The following ARHGEF5 variants were observed in gnomAD, a reference collection of about 807,000 sequenced individuals.
The protein encoded by ARHGEF5 is Rho guanine nucleotide exchange factor (GEF) 5.
Under a neutral mutation model 104.0 loss-of-function variants are expected in ARHGEF5, and 11 were observed. That is an observed-to-expected ratio of 0.11 (90% CI 0.07 to 0.18). The LOEUF (loss-of-function observed/expected upper bound fraction) is 0.18. Among genes scored for constraint, ARHGEF5 ranks in the 10% least tolerant of loss-of-function variants. The pLI is 1.00. For missense variants in ARHGEF5, 165 were observed against 1,335.4 expected, an observed-to-expected ratio of 0.12 and a Z score of 13.66; for synonymous variants, 60 against 512.2, an observed-to-expected ratio of 0.12 and a Z score of 11.92.
intron 1 of ARHGEF5, among the ~76,000 whole-genome samples, chr7:144,360,148 G>A (rs2525699): frequency 2.5e-5 from 3 of 118,490 alleles, no homozygotes; most frequent in Admixed American, 9.0e-5. Context: ...CTAGGCTGGA[G>A]AGCAGTGATG....
chr7:144,378,809 G>A lies in ARHGEF5; in HGVS notation c.4579G>A (p.Asp1527Asn), dbSNP rs2053780112. The A allele has an allele frequency of 6.2e-7, 1 of 1,613,994 alleles. No individual in the cohort carries two copies. Among genetic ancestry groups the A allele is most frequent in the Non-Finnish European group, 8.5e-7 (1 of 1,180,008 alleles). ...CLRAYKPREN[D>N]ELALEKADVV... ...TCGAGCCTACAAGCCCCGAGAGAAT[G>A]ATGAATTGGCACTGGAGAAAGCCGA... Residue 1527 changes from aspartate to asparagine, a missense_variant, in exon 14 of 15, where the codon GAT becomes AAT. Asp to Asn is a conservative substitution (Grantham distance 23). Transcript: ENST00000056217.
At position 144,360,794 on chromosome 7, in the gene ARHGEF5, A is replaced by C. The variant is rs1211235321; in HGVS notation, c.-12-1864A>C. 5.1e-5 allele frequency among the ~76,000 whole-genome samples: 7 copies of C among 137,830 alleles called. No individual in the cohort carries two copies. In the East Asian group the frequency reaches 6.2e-4, roughly 12 times the overall value. The allele number at this position is 137,830 out of a possible 152,430, so 90.4% of individuals were successfully genotyped here. A position where few individuals can be genotyped will look rare whatever the true frequency, so the allele number is the denominator to read the frequency against. On this transcript the variant is annotated intron_variant, in intron 1 of 14. Transcript: ENST00000056217. ...CATAGTTCTTAATCTCATAAATTTTACTATCTATTGGTTGCAATAGAGGGT... is the reference window on the plus strand; with the variant it reads ...CATAGTTCTTAATCTCATAAATTTTCCTATCTATTGGTTGCAATAGAGGGT...
rs1036359120 is a variant in ARHGEF5, at chr7:144,380,201, C to T, written c.*145C>T. ...GGACAAAATCCAGCTAACCCAGTCC[C>T]TCGGCCCAGGCCTCCTTTCGTGCTT... On this transcript the variant is annotated 3_prime_UTR_variant, in exon 15 of 15. Coordinates refer to ENST00000056217, the MANE Select transcript of ARHGEF5 (RefSeq NM_005435.4). 5.6e-6 allele frequency: 6 copies of T among 1,076,588 alleles called. No individual in the cohort carries two copies. The highest frequency in any genetic ancestry group is 4.7e-5 in the African/African-American group (3 of 63,194). The allele number at this position is 1,076,588 out of a possible 1,614,324, so 66.7% of individuals were successfully genotyped here. A position where few individuals can be genotyped will look rare whatever the true frequency, so the allele number is the denominator to read the frequency against.
At position 144,380,120 on chromosome 7, in the gene ARHGEF5, G is replaced by A; in HGVS notation, c.*64G>A. On this transcript the variant is annotated 3_prime_UTR_variant, in exon 15 of 15. Transcript: ENST00000056217. ...CTGCTCATGGCAAGGGCTGGCCCCA[G>A]AACCCTGCAAGAGAGGCCTTCTGTG... 6.3e-7 allele frequency: 1 copy of A among 1,599,478 alleles called. No homozygotes were observed. The highest frequency in any genetic ancestry group is 8.5e-7 in the Non-Finnish European group (1 of 1,169,814).
Position 144,380,339 on chromosome 7 carries a change from C to T in ARHGEF5, c.*283C>T. 3.1e-6 allele frequency: 1 copy of T among 318,114 alleles called. No individual in the cohort carries two copies. Among genetic ancestry groups the T allele is most frequent in the East Asian group, 5.8e-5 (1 of 17,112 alleles). The allele number at this position is 318,114 out of a possible 1,614,324, so 19.7% of individuals were successfully genotyped here. Reference sequence around the variant, plus strand: ...AGCCAAGGAACTTTCCTTCTACTGCCTTATAGTGCTTAAACATTCTCCGCC... The same window carrying T: ...AGCCAAGGAACTTTCCTTCTACTGCTTTATAGTGCTTAAACATTCTCCGCC... On this transcript the variant is annotated 3_prime_UTR_variant, in exon 15 of 15. Transcript: ENST00000056217.
At position 144,362,670 on chromosome 7, in the gene ARHGEF5, A is replaced by ATGGCGGCTGAGGAGGCCCAGCG; in HGVS notation, c.4_5insCGGCTGAGGAGGCCCAGCGTGG (p.Glu2?). ...GATTCCTCCTTAGGATTCAGCCCTG[A>ATGGCGGCTGAGGAGGCCCAGCG]TGGAGGCTGAGGAGGCCCAGCGTGG... On this transcript the variant is annotated frameshift_variant and start_lost, in exon 2 of 15. Coordinates refer to ENST00000056217, the MANE Select transcript of ARHGEF5 (RefSeq NM_005435.4). LOFTEE classifies it high-confidence loss of function. The ATGGCGGCTGAGGAGGCCCAGCG allele has an allele frequency of 7.4e-7, 1 of 1,354,738 alleles. No homozygotes were observed. Among genetic ancestry groups the ATGGCGGCTGAGGAGGCCCAGCG allele is most frequent in the African/African-American group, 1.7e-5 (1 of 59,034 alleles). The allele number at this position is 1,354,738 out of a possible 1,614,324, so 83.9% of individuals were successfully genotyped here.
chr7:144,361,226 C>CAA (rs60603784), intron 1 of ARHGEF5, among the ~76,000 whole-genome samples: 1 of 17,994 alleles, frequency 5.6e-5, no homozygotes. Flanking sequence ...GACTCCATCT[C>CAA]AAAAAAAAAA....
chr7:144,374,693 TCTGTGACA>T, intron 10 of ARHGEF5, 31 bp from the exon 11 acceptor site: 1 of 715,052 alleles, frequency 1.4e-6, no homozygotes, highest in East Asian at 2.4e-5. Flanking sequence ...GCTTCTCCCA[TCTGTGACA>T]CTGCCTTCTC....
chr7:144,378,024 A>G (rs185205268), intron 13 of ARHGEF5, among the ~76,000 whole-genome samples: 39 of 152,362 alleles, frequency 2.6e-4, no homozygotes, highest in African/African-American at 8.7e-4. Flanking sequence ...GAATCAAGGC[A>G]GTGTAGTAAC....
In ARHGEF5 at chr7:144,379,885, C is replaced by T. The variant is rs1417475775; in HGVS notation, c.4637-14C>T. ...TTTCCCAGGTAATTCTTCCCACTCA[C>T]CCTGTGCCCACAGGCTGGCTGGAGG... On this transcript the variant is annotated splice_polypyrimidine_tract_variant and intron_variant, in intron 14 of 14. Coordinates refer to ENST00000056217, the MANE Select transcript of ARHGEF5 (RefSeq NM_005435.4). The T allele has an allele frequency of 6.8e-6, 11 of 1,613,926 alleles. No homozygotes were observed. The highest frequency in any genetic ancestry group is 9.3e-6 in the Non-Finnish European group (11 of 1,179,968).
intron 1 of ARHGEF5, among the ~76,000 whole-genome samples, chr7:144,360,097 A>T (rs1268736615): frequency 9.0e-6 from 1 of 110,802 alleles, no homozygotes; most frequent in Non-Finnish European, 1.9e-5. Context: ...TATTTTAATT[A>T]ATTAATTTAT....
chr7:144,361,247 GAAAAA>G (rs1202331564), intron 1 of ARHGEF5, among the ~76,000 whole-genome samples: 1 of 40,200 alleles, frequency 2.5e-5, no homozygotes, highest in Non-Finnish European at 5.9e-5. Flanking sequence ...AAAAAGAAAA[GAAAAA>G]AAAAAAAAGA....
chr7:144,377,602 C>G (rs1241003722), intron 13 of ARHGEF5, among the ~76,000 whole-genome samples: 1 of 152,104 alleles, frequency 6.6e-6, no homozygotes, highest in Non-Finnish European at 1.5e-5. Context: ...CCTGAGGTCA[C>G]CTACCCCAGG....
intron 1 of ARHGEF5, among the ~76,000 whole-genome samples, chr7:144,358,680 A>ATAC (rs2053613717): frequency 1.7e-5 from 1 of 57,652 alleles, no homozygotes. Context: ...ATCTTGTCAC[A>ATAC]TACTACTCTG....
rs2053790564 is a variant in ARHGEF5 at position 144,380,096 on chromosome 7, T to C, written c.*40T>C. Reference sequence around the variant, plus strand: ...GAGTTTCGTGAGCTGAAGAACAAGCTGCTCATGGCAAGGGCTGGCCCCAGA... The same window carrying C: ...GAGTTTCGTGAGCTGAAGAACAAGCCGCTCATGGCAAGGGCTGGCCCCAGA... On this transcript the variant is annotated 3_prime_UTR_variant, in exon 15 of 15. Transcript: ENST00000056217. 1 of 1,612,250 alleles carries C rather than the reference T, an allele frequency of 6.2e-7. No individual in the cohort carries two copies. The highest frequency in any genetic ancestry group is 8.5e-7 in the Non-Finnish European group (1 of 1,178,688).
At position 144,363,959 on chromosome 7, in the gene ARHGEF5, T is replaced by C. The variant is rs1408141009; in HGVS notation, c.1290T>C (p.Thr430=). 3.4e-5 allele frequency: 48 copies of C among 1,399,362 alleles called. 14 individuals carry two copies. The highest frequency in any genetic ancestry group is 4.6e-5 in the Non-Finnish European group (47 of 1,021,782). 86.7% of individuals were successfully genotyped at this position (1,399,362 alleles called of 1,614,324 possible). The stretch of plus-strand genomic sequence containing the variant: ...TTCCAGGTGCCTCATATCTCATGAC[T>C]CAGATTCCCGGGACTCAGACAGAGT... ...DLFPGASYLM[T]QIPGTQTESR... is the part of the protein sequence containing the mutation. The change falls in exon 2 of 15, where the codon ACT becomes ACC. Residue 430 remains threonine, a synonymous_variant. Transcript: ENST00000056217.
intron 14 of ARHGEF5, among the ~76,000 whole-genome samples, chr7:144,379,338 G>A (rs112870211): frequency 0.013 from 1,953 of 152,212 alleles, 59 homozygotes; most frequent in African/African-American, 0.043. Context: ...TCCTGTCTCA[G>A]TCTCCCAAGT....
At chr7:144,360,106 A>C (rs1410310342) in intron 1 of ARHGEF5, among the ~76,000 whole-genome samples, 1 of 112,668 alleles carries the variant, frequency 8.9e-6, no homozygotes, top group African/African-American at 3.4e-5. Flanking sequence ...TAATTAATTT[A>C]TTTATTTAGA....
chr7:144,374,711 C>CTCTCT, intron 10 of ARHGEF5, 21 bp from the exon 11 acceptor site: 1 of 859,436 alleles, frequency 1.2e-6, no homozygotes. Flanking sequence ...ACTGCCTTCT[C>CTCTCT]TCTCTTCCTC....
Sources: gnomAD v4.1 joint callset for allele counts (sites outside exome capture counted in the v4.1 genomes callset) on GRCh38, gnomAD v4.1.1 for gene constraint, MANE v1.5 for transcripts, NCBI Gene and HGNC (gene_info 2026-07-23, HGNC 2026-07-21) for gene names.